Variants in SPECC1 observed in about 807,000 individuals in gnomAD.
SPECC1 encodes the protein cytospin-B.
Under a neutral mutation model 104.1 loss-of-function variants are expected in SPECC1, and 62 were observed. The ratio of observed to expected loss-of-function variants is 0.60; its 90% CI spans 0.49 to 0.74. The LOEUF is 0.74. Ranked by LOEUF, SPECC1 falls within the 30% of genes least tolerant of loss-of-function variation. The pLI is 0.00. For missense variants in SPECC1, 1,306 were observed against 1,310.5 expected, an observed-to-expected ratio of 1.00 and a Z score of 0.05; for synonymous variants, 513 against 501.6, an observed-to-expected ratio of 1.02 and a Z score of -0.30.
intron 7 of SPECC1, among the ~76,000 whole-genome samples, chr17:20,242,512 G>T (rs898960161): frequency 1.3e-5 from 2 of 152,166 alleles, no homozygotes; most frequent in African/African-American, 4.8e-5. Context: ...CTAGTATCTG[G>T]CCTGCAACTG....
intron 3 of SPECC1, among the ~76,000 whole-genome samples, chr17:20,115,511 G>A (rs1283329982): frequency 6.6e-6 from 1 of 151,880 alleles, no homozygotes; most frequent in East Asian, 1.9e-4. Context: ...AAAAAAAATT[G>A]GAGATCAAAA....
At chr17:20,117,625 AAAAT>A (rs2048822996) in intron 3 of SPECC1, among the ~76,000 whole-genome samples, 1 of 151,764 alleles carries the variant, frequency 6.6e-6, no homozygotes, top group South Asian at 2.1e-4. Context: ...CATCTCTACA[AAAAT>A]AAATAAATAA....
chr17:20,107,144 C>CAAAAAAA lies in SPECC1; in HGVS notation c.148-3264_148-3258dup, dbSNP rs531912350. 1.0e-3 allele frequency among the ~76,000 whole-genome samples: 68 copies of CAAAAAAA among 68,148 alleles called. 1 individual carries two copies. Among genetic ancestry groups the CAAAAAAA allele is most frequent in the African/African-American group, 4.5e-3 (54 of 12,066 alleles). The allele number at this position is 68,148 out of a possible 152,430, so 44.7% of individuals were successfully genotyped here. A position where few individuals can be genotyped will look rare whatever the true frequency, so the allele number is the denominator to read the frequency against. On this transcript the variant is annotated intron_variant, in intron 2 of 14. Coordinates refer to ENST00000395527, the MANE Select transcript of SPECC1 (RefSeq NM_001243439.2). The stretch of plus-strand genomic sequence containing the variant: ...GGGCGACAGAGTGAGACTCGTGTCT[C>CAAAAAAA]AAAAAAAAAAAAAAAAAAAAAAAAA...
chr17:20,112,672 T>C (rs2048551636), intron 3 of SPECC1: 1 of 1,010,858 alleles, frequency 9.9e-7, no homozygotes, highest in South Asian at 1.3e-5. Context: ...TCTGTTCTAA[T>C]GTAGAAGGAG....
At chr17:20,045,363 A>G (rs1158857051) in intron 1 of SPECC1, among the ~76,000 whole-genome samples, 5 of 152,156 alleles carry the variant, frequency 3.3e-5, no homozygotes, top group South Asian at 4.1e-4. Flanking sequence ...TTTTGCTATT[A>G]TAAACAATGC....
intron 5 of SPECC1, among the ~76,000 whole-genome samples, chr17:20,229,935 G>A (rs568638476): frequency 6.6e-6 from 1 of 152,298 alleles, no homozygotes; most frequent in East Asian, 1.9e-4. Context: ...GCTAGTGCTG[G>A]TTGGCTCCCA....
chr17:20,037,575 ATCAGAGTAACACCCACT>A (rs1489450813), intron 1 of SPECC1, among the ~76,000 whole-genome samples: 12 of 151,372 alleles, frequency 7.9e-5, no homozygotes, highest in African/African-American at 2.2e-4. Flanking sequence ...CAGTTCTAGT[ATCAGAGTAACACCCACT>A]TCATAAAATG....
intron 3 of SPECC1, among the ~76,000 whole-genome samples, chr17:20,149,526 A>T (rs1567878364): frequency 6.6e-6 from 1 of 152,224 alleles, no homozygotes; most frequent in Non-Finnish European, 1.5e-5. Context: ...ACGTGTTGTC[A>T]CAGCTCATTG....
chr17:20,072,934 C>G (rs2046614501), intron 1 of SPECC1, among the ~76,000 whole-genome samples: 1 of 152,018 alleles, frequency 6.6e-6, no homozygotes, highest in South Asian at 2.1e-4. Context: ...GTATTTGGTC[C>G]CTGTTGCAGT....
At chr17:20,300,817 G>A (rs1273836826) in intron 13 of SPECC1, among the ~76,000 whole-genome samples, 2 of 152,210 alleles carry the variant, frequency 1.3e-5, no homozygotes, top group Non-Finnish European at 2.9e-5. Flanking sequence ...CCGACCACCA[G>A]GGAGTGTGTA....
Position 20,060,119 on chromosome 17 carries a change from A to G in SPECC1, c.-21-36512A>G, listed in dbSNP as rs115294398. Among the ~76,000 whole-genome samples, 926 of 152,194 alleles carry G rather than the reference A, an allele frequency of 6.1e-3. 10 individuals are homozygous for G. The highest frequency in any genetic ancestry group is 0.021 in the African/African-American group (890 of 41,522). ...TTGGGGCTCTTCTAAAGAATGTTCCATTAGTATGTGTTTGTACCTTTTTTT... is the reference window on the plus strand; with the variant it reads ...TTGGGGCTCTTCTAAAGAATGTTCCGTTAGTATGTGTTTGTACCTTTTTTT... On this transcript the variant is annotated intron_variant, in intron 1 of 14. Transcript: ENST00000395527.
At chr17:20,216,233 G>T (rs751467822) in intron 4 of SPECC1, among the ~76,000 whole-genome samples, 1 of 152,050 alleles carries the variant, frequency 6.6e-6, no homozygotes, top group Non-Finnish European at 1.5e-5. Context: ...GCATAGGAGT[G>T]CTCTTAATAT....
chr17:20,199,504 G>A (rs1314104807), intron 3 of SPECC1, among the ~76,000 whole-genome samples: 1 of 146,660 alleles, frequency 6.8e-6, no homozygotes. Context: ...GGGCTCAAGT[G>A]ATCCTCCTAC....
At chr17:20,308,216 C>T (rs536524487) in intron 14 of SPECC1, among the ~76,000 whole-genome samples, 4 of 151,866 alleles carry the variant, frequency 2.6e-5, no homozygotes, top group African/African-American at 9.7e-5. Context: ...TGTGAAAGCC[C>T]GTACCTACTA....
chr17:20,167,529 T>A (rs2033757382), intron 3 of SPECC1, among the ~76,000 whole-genome samples: 1 of 151,982 alleles, frequency 6.6e-6, no homozygotes, highest in African/African-American at 2.4e-5. Context: ...AAACACAAAA[T>A]TAGACGGGCA....
chr17:20,225,890 C>T (rs1207261493), intron 4 of SPECC1, among the ~76,000 whole-genome samples: 1 of 152,142 alleles, frequency 6.6e-6, no homozygotes, highest in Non-Finnish European at 1.5e-5. Flanking sequence ...CACAATTTCC[C>T]AGTGAATGAT....
chr17:20,306,168 C>T, intron 14 of SPECC1, 86 bp downstream of exon 14: 1 of 1,280,488 alleles, frequency 7.8e-7, no homozygotes, highest in Non-Finnish European at 1.1e-6. Context: ...TCTCGTAGAA[C>T]ATTGACATCT....
intron 3 of SPECC1, among the ~76,000 whole-genome samples, chr17:20,144,553 C>T (rs1271365590): frequency 6.6e-6 from 1 of 152,092 alleles, no homozygotes; most frequent in African/African-American, 2.4e-5. Flanking sequence ...ACATGAGACA[C>T]ACAAAATACA....
At chr17:20,287,113 A>G (rs1310176996) in intron 12 of SPECC1, among the ~76,000 whole-genome samples, 2 of 152,196 alleles carry the variant, frequency 1.3e-5, no homozygotes, top group African/African-American at 2.4e-5. Flanking sequence ...GCAAGGGAAC[A>G]GTAATTTAAA....
Sources: allele counts gnomAD v4.1 joint callset (sites outside exome capture counted in the v4.1 genomes callset), GRCh38; gene constraint gnomAD v4.1.1; transcripts MANE v1.5; gene names NCBI Gene and HGNC (gene_info 2026-07-23, HGNC 2026-07-21).